KIAA1217: variants seen among roughly 807,000 people sequenced by gnomAD.
The protein encoded by KIAA1217 is KIAA1217.
KIAA1217 carries 88 observed loss-of-function variants against 163.9 expected under a neutral mutation model. The ratio of observed to expected loss-of-function variants is 0.54; its 90% CI spans 0.45 to 0.64. The LOEUF is 0.64. KIAA1217 is among the 30% of genes least tolerant of loss of function. The pLI, the probability that KIAA1217 is intolerant of heterozygous loss-of-function variation, is 0.00. For missense variants in KIAA1217, 2,372 were observed against 2,475.0 expected, an observed-to-expected ratio of 0.96 and a Z score of 0.88; for synonymous variants, 903 against 923.1, an observed-to-expected ratio of 0.98 and a Z score of 0.39.
chr10:23,852,728 C>T (rs1320308279), intron 1 of KIAA1217, among the ~76,000 whole-genome samples: 2 of 152,134 alleles, frequency 1.3e-5, no homozygotes, highest in African/African-American at 2.4e-5. Context: ...AGAGGTCCTT[C>T]ACGTCCCTTG....
intron 2 of KIAA1217, among the ~76,000 whole-genome samples, chr10:24,355,994 G>A (rs886579369): frequency 7.3e-5 from 11 of 151,596 alleles, no homozygotes; most frequent in African/African-American, 1.2e-4. Context: ...TGATCCACCC[G>A]CCTCGGCCTC....
chr10:23,703,513 A>T lies in KIAA1217; in HGVS notation c.-321+8279A>T, dbSNP rs547500536. 1.5e-3 allele frequency among the ~76,000 whole-genome samples: 222 copies of T among 152,224 alleles called. 1 individual carries two copies. The highest frequency in any genetic ancestry group is 4.6e-3 in the African/African-American group (190 of 41,534). On this transcript the variant is annotated intron_variant, in intron 1 of 18. Coordinates refer to the KIAA1217 transcript ENST00000376462. ...AGATACGCTGGCTCTCTGCAGGGGG[A>T]AAAAAGCCCTGATTTGAACTGTTTG...
chr10:24,536,738 TGG>T lies in KIAA1217; in HGVS notation c.3415-35_3415-34del. 5 of 1,607,990 alleles carry T rather than the reference TGG, an allele frequency of 3.1e-6. No homozygotes were observed. The East Asian group carries it at 1.1e-4, about 36-fold the overall frequency. On this transcript the variant is annotated intron_variant, in intron 16 of 20. Transcript: ENST00000376454. ...TTCCCTCCATTCTCCTCAGTACCCT[TGG>T]ATCCCTGTTAACCTCAGTATTTTAA... is the stretch of plus-strand genomic sequence containing the variant.
intron 1 of KIAA1217, among the ~76,000 whole-genome samples, chr10:23,879,499 C>T (rs918636153): frequency 1.3e-5 from 2 of 151,830 alleles, no homozygotes; most frequent in African/African-American, 2.4e-5. Flanking sequence ...AATATATCAA[C>T]AATGCAGACA....
At chr10:24,049,799 T>G (rs1849355299) in intron 2 of KIAA1217, among the ~76,000 whole-genome samples, 1 of 152,220 alleles carries the variant, frequency 6.6e-6, no homozygotes, top group Non-Finnish European at 1.5e-5. Context: ...GTAGAATGAT[T>G]TATAATCGTT....
chr10:24,042,706 A>G (rs1564631061), intron 2 of KIAA1217, among the ~76,000 whole-genome samples: 1 of 152,228 alleles, frequency 6.6e-6, no homozygotes, highest in African/African-American at 2.4e-5. Context: ...TCTGTCATTA[A>G]TTAATGAATG....
At chr10:24,173,835 T>G (rs1306275576) in intron 2 of KIAA1217, among the ~76,000 whole-genome samples, 1 of 152,218 alleles carries the variant, frequency 6.6e-6, no homozygotes, top group African/African-American at 2.4e-5. Context: ...CTCCAAGGAC[T>G]GTGACTTCAA....
intron 1 of KIAA1217, among the ~76,000 whole-genome samples, chr10:23,849,141 G>A (rs1389713566): frequency 1.3e-5 from 2 of 152,060 alleles, no homozygotes; most frequent in African/African-American, 4.8e-5. Flanking sequence ...CTTGCATTAA[G>A]TGTTGGTAGA....
intron 5 of KIAA1217, 103 bp from the exon 6 acceptor site, chr10:24,473,125 G>A (rs2063704183): frequency 1.3e-6 from 1 of 741,450 alleles, no homozygotes; most frequent in Non-Finnish European, 2.2e-6. Context: ...TCCAGGATGA[G>A]GGTGTATACA....
At chr10:24,297,884 CA>C (rs1354701961) in intron 2 of KIAA1217, among the ~76,000 whole-genome samples, 1 of 151,552 alleles carries the variant, frequency 6.6e-6, no homozygotes, top group African/African-American at 2.4e-5. Flanking sequence ...AGTAGGGGAA[CA>C]AAGTGAAAGG....
At chr10:23,950,421 T>A (rs1844280849) in intron 1 of KIAA1217, among the ~76,000 whole-genome samples, 1 of 152,046 alleles carries the variant, frequency 6.6e-6, no homozygotes, top group Non-Finnish European at 1.5e-5. Flanking sequence ...CCTTGGAATG[T>A]AATCTCATCA....
chr10:23,708,944 C>A (rs1298918095), intron 1 of KIAA1217, among the ~76,000 whole-genome samples: 1 of 151,980 alleles, frequency 6.6e-6, no homozygotes, highest in African/African-American at 2.4e-5. Context: ...TTCCACATCA[C>A]CTTTAAGGCA....
intron 1 of KIAA1217, among the ~76,000 whole-genome samples, chr10:23,897,554 C>T (rs2131233458): frequency 6.6e-6 from 1 of 152,138 alleles, no homozygotes; most frequent in East Asian, 2.0e-4. Context: ...CGAATTTGAC[C>T]TGCTATGGAG....
intron 1 of KIAA1217, among the ~76,000 whole-genome samples, chr10:23,781,544 A>G (rs1210519555): frequency 6.6e-6 from 1 of 152,106 alleles, no homozygotes; most frequent in East Asian, 1.9e-4. Context: ...CAACGTTTTG[A>G]ATTTGTTGAT....
At chr10:24,460,803 G>A (rs1055186927) in intron 5 of KIAA1217, among the ~76,000 whole-genome samples, 20 of 152,060 alleles carry the variant, frequency 1.3e-4, no homozygotes, top group Non-Finnish European at 1.3e-4. Context: ...TCCTGTAGAC[G>A]GGCTAAGACG....
At chr10:24,494,354 C>T (rs1043797829) in intron 6 of KIAA1217, 146 bp from the exon 7 acceptor site, 37 of 651,950 alleles carry the variant, frequency 5.7e-5, no homozygotes, top group Middle Eastern at 5.3e-4. Context: ...TAAGGATGTG[C>T]GGCTCTTCAT....
At chr10:24,356,669 A>C (rs955508529) in intron 2 of KIAA1217, among the ~76,000 whole-genome samples, 4 of 152,220 alleles carry the variant, frequency 2.6e-5, no homozygotes, top group African/African-American at 9.7e-5. Flanking sequence ...TCCTAAGAAA[A>C]GAATAAGTTT....
At chr10:24,410,848 T>C (rs954995705) in intron 3 of KIAA1217, among the ~76,000 whole-genome samples, 1 of 152,236 alleles carries the variant, frequency 6.6e-6, no homozygotes, top group African/African-American at 2.4e-5. Flanking sequence ...CTCCATTCTT[T>C]ATGGGCAAAT....
At chr10:23,798,896 A>C (rs1475021824) in intron 1 of KIAA1217, among the ~76,000 whole-genome samples, 1 of 152,250 alleles carries the variant, frequency 6.6e-6, no homozygotes, top group Admixed American at 6.5e-5. Context: ...TGCATGACAA[A>C]GTACCACAAA....
Sources: gnomAD v4.1 joint callset for allele counts (sites outside exome capture counted in the v4.1 genomes callset) on GRCh38, gnomAD v4.1.1 for gene constraint, MANE v1.5 for transcripts, NCBI Gene and HGNC (gene_info 2026-07-23, HGNC 2026-07-21) for gene names.